The following TNFSF4 variants were observed in gnomAD, a reference collection of about 807,000 sequenced individuals.
TNFSF4 encodes the protein tumor necrosis factor ligand superfamily member 4.
TNFSF4 carries 4 observed loss-of-function variants against 7.3 expected under a neutral mutation model. The observed-to-expected ratio is 0.55, with a 90% CI of 0.27 to 1.25. TNFSF4 has a LOEUF of 1.25. Among genes scored for constraint, TNFSF4 ranks in the 50% most tolerant of loss-of-function variants. TNFSF4 has a pLI of 0.12. For missense variants in TNFSF4, 181 were observed against 208.8 expected (o/e 0.87, Z 0.82); for synonymous variants, 76 against 83.7 (o/e 0.91, Z 0.50).
At chr1:173,376,037 T>A in the TNFSF4 span, among the ~76,000 whole-genome samples, 1 of 152,176 alleles carries the variant, frequency 6.6e-6, no homozygotes, top group Non-Finnish European at 1.5e-5. Context: ...TTCTCCTACA[T>A]GTTACTCCTC....
chr1:173,353,937 G>C, the TNFSF4 span, among the ~76,000 whole-genome samples: 2 of 151,320 alleles, frequency 1.3e-5, no homozygotes, highest in African/African-American at 4.9e-5. Flanking sequence ...AGAAAAACAA[G>C]AGCAAACAAA....
At chr1:173,398,730 G>A in the TNFSF4 span, among the ~76,000 whole-genome samples, 1 of 152,032 alleles carries the variant, frequency 6.6e-6, no homozygotes. Context: ...CCAGCCCTAC[G>A]TCAGTGATAT....
the TNFSF4 span, among the ~76,000 whole-genome samples, chr1:173,230,046 T>C: frequency 6.6e-6 from 1 of 152,076 alleles, no homozygotes; most frequent in East Asian, 1.9e-4. Context: ...TTGACAAGGA[T>C]ATCCACGAAT....
At chr1:173,335,397 G>A in the TNFSF4 span, among the ~76,000 whole-genome samples, 230 of 152,172 alleles carry the variant, frequency 1.5e-3, 1 homozygote, top group African/African-American at 5.4e-3. Context: ...TTCTCCGTAG[G>A]GGCCAGACAT....
chr1:173,291,522 AC>A, the TNFSF4 span, among the ~76,000 whole-genome samples: 1 of 152,196 alleles, frequency 6.6e-6, no homozygotes, highest in Admixed American at 6.6e-5. Flanking sequence ...AGTTTATAGC[AC>A]AAAGTGCCTA....
chr1:173,440,502 A>G, the TNFSF4 span: 1 of 152,226 alleles, frequency 6.6e-6, no homozygotes, highest in Non-Finnish European at 1.5e-5. Context: ...TCCATGCTTA[A>G]TTCCACCTTG....
chr1:173,407,594 T>C, the TNFSF4 span, among the ~76,000 whole-genome samples: 1 of 147,982 alleles, frequency 6.8e-6, no homozygotes, highest in Non-Finnish European at 1.5e-5. Context: ...GTTACAAATC[T>C]GGAAAGTGAA....
At position 173,207,291 on chromosome 1, in the gene TNFSF4, A is replaced by T; in HGVS notation, c.-115T>A. On this transcript the variant is annotated 5_prime_UTR_variant, in exon 1 of 3. Transcript: ENST00000281834. ...GACAAAACAAAGCCTATCAATCAGA[A>T]AATAGGCAAAGGTCCCAGGGCCAGA... 1.0e-6 allele frequency: 1 copy of T among 990,792 alleles called. No individual in the cohort carries two copies. Among genetic ancestry groups the T allele is most frequent in the African/African-American group, 1.6e-5 (1 of 61,486 alleles). 61.4% of individuals were successfully genotyped at this position (990,792 alleles called of 1,614,324 possible). A position where few individuals can be genotyped will look rare whatever the true frequency, so the allele number is the denominator to read the frequency against.
chr1:173,327,599 A>C, the TNFSF4 span, among the ~76,000 whole-genome samples: 326 of 151,720 alleles, frequency 2.1e-3, no homozygotes, highest in African/African-American at 7.5e-3. Flanking sequence ...TTCGCAACCT[A>C]CTCATCTGAC....
the TNFSF4 span, among the ~76,000 whole-genome samples, chr1:173,220,415 A>G: frequency 6.6e-6 from 1 of 152,198 alleles, no homozygotes; most frequent in Admixed American, 6.5e-5. Context: ...GTTCCTCCTA[A>G]AGAGCAAATA....
At chr1:173,423,262 A>G in the TNFSF4 span, among the ~76,000 whole-genome samples, 6 of 152,220 alleles carry the variant, frequency 3.9e-5, no homozygotes, top group African/African-American at 1.4e-4. Flanking sequence ...ACAGGGATTA[A>G]AAGATTTTTC....
the TNFSF4 span, among the ~76,000 whole-genome samples, chr1:173,223,140 T>A: frequency 1.3e-5 from 2 of 152,214 alleles, no homozygotes; most frequent in African/African-American, 2.4e-5. Context: ...CTAACTTTTT[T>A]AAGCCTTAAT....
At chr1:173,346,732 G>A in the TNFSF4 span, among the ~76,000 whole-genome samples, 1 of 151,918 alleles carries the variant, frequency 6.6e-6, no homozygotes, top group Admixed American at 6.6e-5. Flanking sequence ...CTACTCTTGG[G>A]GAAATGTAAT....
the TNFSF4 span, among the ~76,000 whole-genome samples, chr1:173,316,750 CAT>C: frequency 7.9e-5 from 12 of 151,924 alleles, no homozygotes. Context: ...TTAAAATTGA[CAT>C]GTAATCATTG....
the TNFSF4 span, among the ~76,000 whole-genome samples, chr1:173,356,820 C>T: frequency 2.0e-5 from 3 of 152,130 alleles, no homozygotes; most frequent in Admixed American, 2.0e-4. Context: ...AAGAGGCAAG[C>T]TCTATGTAGA....
At chr1:173,232,240 G>T in the TNFSF4 span, among the ~76,000 whole-genome samples, 3 of 152,042 alleles carry the variant, frequency 2.0e-5, no homozygotes, top group African/African-American at 7.2e-5. Flanking sequence ...ATTGTGAATG[G>T]GAGTTCACTC....
At chr1:173,369,565 A>G in the TNFSF4 span, among the ~76,000 whole-genome samples, 5 of 151,936 alleles carry the variant, frequency 3.3e-5, no homozygotes, top group African/African-American at 1.2e-4. Context: ...ACAGACCAAA[A>G]CTATGGGTGG....
At chr1:173,248,835 C>T in the TNFSF4 span, among the ~76,000 whole-genome samples, 1,495 of 152,314 alleles carry the variant, frequency 9.8e-3, 7 homozygotes, top group Middle Eastern at 0.024. Context: ...CCTATATATA[C>T]GGCATCTAGT....
the TNFSF4 span, among the ~76,000 whole-genome samples, chr1:173,244,796 T>A: frequency 0.46 from 69,550 of 151,838 alleles, 16,243 homozygotes; most frequent in Admixed American, 0.53. Context: ...ACTATGTAGC[T>A]TAGCATAATC....
Sources: allele counts gnomAD v4.1 joint callset (sites outside exome capture counted in the v4.1 genomes callset), GRCh38; gene constraint gnomAD v4.1.1; transcripts MANE v1.5; gene names NCBI Gene and HGNC (gene_info 2026-07-23, HGNC 2026-07-21).